CALN1: variants seen among roughly 807,000 people sequenced by gnomAD.
CALN1 encodes the protein calcium-binding protein 8.
CALN1 carries 17 observed loss-of-function variants against 30.6 expected under a neutral mutation model. The ratio of observed to expected loss-of-function variants is 0.56; its 90% CI spans 0.38 to 0.83. The LOEUF (loss-of-function observed/expected upper bound fraction) is 0.83. CALN1 is among the 40% of genes least tolerant of loss of function. CALN1 has a pLI of 0.00. For missense variants in CALN1, 291 were observed against 354.9 expected (o/e 0.82, Z 1.45); for synonymous variants, 156 against 131.4 (o/e 1.19, Z -1.28).
intron 3 of CALN1, among the ~76,000 whole-genome samples, chr7:72,127,327 G>A (rs1336017837): frequency 6.6e-6 from 1 of 152,086 alleles, no homozygotes; most frequent in Admixed American, 6.6e-5. Flanking sequence ...AGTGAGTCAG[G>A]CAGGGAGAGA....
At chr7:71,929,395 T>G (rs2129520117) in intron 5 of CALN1, among the ~76,000 whole-genome samples, 1 of 152,344 alleles carries the variant, frequency 6.6e-6, no homozygotes, top group East Asian at 1.9e-4. Context: ...GTATTTGGTT[T>G]TCTGTTCTTG....
At chr7:71,973,805 G>A (rs919205673) in intron 5 of CALN1, among the ~76,000 whole-genome samples, 4 of 152,122 alleles carry the variant, frequency 2.6e-5, no homozygotes, top group Non-Finnish European at 5.9e-5. Flanking sequence ...ACGTTTAAGT[G>A]ACTTAAGTAA....
chr7:72,080,068 GC>G (rs1241968678), intron 4 of CALN1, among the ~76,000 whole-genome samples: 1 of 152,170 alleles, frequency 6.6e-6, no homozygotes, highest in Non-Finnish European at 1.5e-5. Flanking sequence ...ACCGCACCTG[GC>G]CCAAGAGGTT....
the CALN1 span, among the ~76,000 whole-genome samples, chr7:72,502,008 C>CAT: frequency 0.095 from 11,138 of 117,448 alleles, 1,218 homozygotes; most frequent in African/African-American, 0.12. Flanking sequence ...TATATACACA[C>CAT]ATATATATAT....
At chr7:72,053,217 G>T (rs751257484) in intron 4 of CALN1, among the ~76,000 whole-genome samples, 1 of 152,172 alleles carries the variant, frequency 6.6e-6, no homozygotes, top group Non-Finnish European at 1.5e-5. Flanking sequence ...GTGACAGAGC[G>T]AGACTCTGTC....
chr7:71,893,682 C>T (rs1793379626), intron 5 of CALN1, among the ~76,000 whole-genome samples: 1 of 151,316 alleles, frequency 6.6e-6, no homozygotes, highest in Non-Finnish European at 1.5e-5. Context: ...CAGAGCAAGA[C>T]TCTGTCTTGA....
At chr7:72,355,996 CA>C (rs1466733353) in intron 2 of CALN1, among the ~76,000 whole-genome samples, 1 of 152,066 alleles carries the variant, frequency 6.6e-6, no homozygotes, top group Admixed American at 6.5e-5. Flanking sequence ...TATGGTTGTA[CA>C]AAAGGAAGAT....
intron 3 of CALN1, among the ~76,000 whole-genome samples, chr7:72,173,740 T>A (rs1789141009): frequency 6.6e-6 from 1 of 152,080 alleles, no homozygotes; most frequent in Non-Finnish European, 1.5e-5. Context: ...AATATCCACA[T>A]GAGAAAGAAA....
chr7:72,312,263 G>C (rs954112185), intron 2 of CALN1, among the ~76,000 whole-genome samples: 1 of 152,004 alleles, frequency 6.6e-6, no homozygotes, highest in African/African-American at 2.4e-5. Context: ...AATTAGCAGG[G>C]TGTGGTGGTG....
At chr7:71,918,745 T>A (rs576594271) in intron 5 of CALN1, among the ~76,000 whole-genome samples, 2 of 152,218 alleles carry the variant, frequency 1.3e-5, no homozygotes, top group African/African-American at 4.8e-5. Flanking sequence ...TAGGGAAAGG[T>A]CATTCCTACT....
rs541706346 is a variant in CALN1, at chr7:72,313,491, A to C, written c.120-34681T>G. Among the ~76,000 whole-genome samples, 251 of 152,186 alleles carry C rather than the reference A, an allele frequency of 1.6e-3. 1 individual carries two copies. Among genetic ancestry groups the C allele is most frequent in the African/African-American group, 5.7e-3 (236 of 41,534 alleles). ...ACCGCAACCTATGGCTCCAGGGCTC[A>C]AGCGACAGCTCCCAACTCAGCCTCC... On this transcript the variant is annotated intron_variant, in intron 2 of 6. Transcript: ENST00000395275.
chr7:71,825,122 G>A (rs1459466395), intron 5 of CALN1, among the ~76,000 whole-genome samples: 1 of 152,142 alleles, frequency 6.6e-6, no homozygotes, highest in East Asian at 1.9e-4. Flanking sequence ...TTCCTAAAGG[G>A]TGGGTCCAAC....
chr7:72,236,805 C>T (rs906958266), intron 3 of CALN1, among the ~76,000 whole-genome samples: 5 of 152,118 alleles, frequency 3.3e-5, no homozygotes, highest in African/African-American at 1.2e-4. Flanking sequence ...ATGGAAAAGA[C>T]TCAAGACATG....
intron 3 of CALN1, among the ~76,000 whole-genome samples, chr7:72,165,450 C>G (rs57995450): frequency 0.012 from 1,844 of 151,946 alleles, 30 homozygotes; most frequent in African/African-American, 0.04. Context: ...AATCCCAGCA[C>G]CCCAGCTACT....
At chr7:72,079,858 C>A (rs572788779) in intron 4 of CALN1, among the ~76,000 whole-genome samples, 2 of 149,396 alleles carry the variant, frequency 1.3e-5, no homozygotes, top group East Asian at 4.0e-4. Context: ...GCAGCCTCCA[C>A]CTCCTGGGTT....
At chr7:72,146,271 A>C (rs1000168204) in intron 3 of CALN1, among the ~76,000 whole-genome samples, 2 of 152,212 alleles carry the variant, frequency 1.3e-5, no homozygotes, top group Admixed American at 6.5e-5. Context: ...AACTGCAGCA[A>C]AGTCCCAGGA....
At chr7:72,277,340 A>G (rs1302643378) in intron 3 of CALN1, among the ~76,000 whole-genome samples, 1 of 152,186 alleles carries the variant, frequency 6.6e-6, no homozygotes, top group Non-Finnish European at 1.5e-5. Context: ...ACTTTGGAGG[A>G]GGTCAGAGCT....
intron 2 of CALN1, among the ~76,000 whole-genome samples, chr7:72,394,702 C>T (rs1258644451): frequency 6.6e-6 from 1 of 150,948 alleles, no homozygotes; most frequent in African/African-American, 2.4e-5. Flanking sequence ...CACTATGTTG[C>T]CCAGGCTGAA....
At chr7:72,369,288 AAT>A (rs954225202) in intron 2 of CALN1, among the ~76,000 whole-genome samples, 25 of 147,960 alleles carry the variant, frequency 1.7e-4, no homozygotes, top group Non-Finnish European at 2.2e-4. Flanking sequence ...ATACATATAA[AAT>A]ATATATATTT....
Sources: gnomAD v4.1 joint callset for allele counts (sites outside exome capture counted in the v4.1 genomes callset) on GRCh38, gnomAD v4.1.1 for gene constraint, MANE v1.5 for transcripts, NCBI Gene and HGNC (gene_info 2026-07-23, HGNC 2026-07-21) for gene names.